THSD7B: variants seen among roughly 807,000 people sequenced by gnomAD.
THSD7B encodes thrombospondin type-1 domain-containing protein 7B.
Under a neutral mutation model 213.6 loss-of-function variants are expected in THSD7B, and 138 were observed. That is an observed-to-expected ratio of 0.65 (90% CI 0.56 to 0.74). The LOEUF is 0.74. Among genes scored for constraint, THSD7B ranks in the 30% least tolerant of loss-of-function variants. The probability of loss-of-function intolerance (pLI) is 0.00; values close to 1 mark genes in which losing one functional copy is unlikely to be tolerated. For missense variants in THSD7B, 1,931 were observed against 1,991.5 expected (o/e 0.97, Z 0.58); for synonymous variants, 742 against 687.0 (o/e 1.08, Z -1.25).
chr2:137,616,136 C>T (rs2104838056), intron 17 of THSD7B, 39 bp from the exon 18 acceptor site: 3 of 1,601,184 alleles, frequency 1.9e-6, no homozygotes, highest in Non-Finnish European at 2.6e-6. Flanking sequence ...TATCAAATAA[C>T]TTGCCCACAG....
intron 1 of THSD7B, among the ~76,000 whole-genome samples, chr2:136,843,073 G>A (rs1020034346): frequency 5.5e-5 from 8 of 146,486 alleles, no homozygotes; most frequent in African/African-American, 1.8e-4. Context: ...CTGTTCACTC[G>A]TATCGAGTGG....
intron 11 of THSD7B, 37 bp downstream of exon 11, chr2:137,272,699 C>T (rs1682774431): frequency 1.9e-6 from 3 of 1,597,746 alleles, no homozygotes; most frequent in Non-Finnish European, 8.5e-7. Context: ...GTTAGACCTA[C>T]TGTAAATTAT....
At chr2:137,327,134 A>G (rs1028553403) in intron 12 of THSD7B, among the ~76,000 whole-genome samples, 1 of 152,156 alleles carries the variant, frequency 6.6e-6, no homozygotes, top group Admixed American at 6.5e-5. Flanking sequence ...TTTTTGCACT[A>G]TATGCATATT....
chr2:137,663,773 A>G (rs2104824015), intron 26 of THSD7B, among the ~76,000 whole-genome samples, 198 bp downstream of exon 26: 1 of 152,362 alleles, frequency 6.6e-6, no homozygotes, highest in African/African-American at 2.4e-5. Context: ...GTTTTCATGA[A>G]TGGTTGAACG....
chr2:137,620,487 T>C lies in THSD7B; in HGVS notation c.3682-122T>C, dbSNP rs1682498024. On this transcript the variant is annotated intron_variant, in intron 19 of 27. Coordinates refer to ENST00000409968, the MANE Select transcript of THSD7B (RefSeq NM_001316349.2). The stretch of plus-strand genomic sequence containing the variant: ...CAATTTATATAAGAAAGGATATACT[T>C]CCCCACTGAAATATGGAAAGGTTAT... 1.2e-5 allele frequency: 8 copies of C among 646,240 alleles called. No individual in the cohort carries two copies. In the East Asian group the frequency reaches 2.2e-4, roughly 18 times the overall value. The allele number at this position is 646,240 out of a possible 1,614,324, so 40.0% of individuals were successfully genotyped here.
intron 15 of THSD7B, among the ~76,000 whole-genome samples, chr2:137,453,155 G>A (rs10196367): frequency 0.032 from 4,854 of 151,706 alleles, 129 homozygotes; most frequent in Non-Finnish European, 0.045. Flanking sequence ...AACCTCACCC[G>A]AATCCATATG....
chr2:137,561,205 A>C (rs570861401), intron 15 of THSD7B, among the ~76,000 whole-genome samples: 129 of 152,314 alleles, frequency 8.5e-4, no homozygotes, highest in Non-Finnish European at 1.4e-3. Context: ...TGGAGCATAA[A>C]GAATATAAGC....
chr2:136,794,064 G>T (rs78878278), intron 1 of THSD7B, among the ~76,000 whole-genome samples: 1 of 150,432 alleles, frequency 6.6e-6, no homozygotes, highest in Non-Finnish European at 1.5e-5. Flanking sequence ...TTTCCGTGTG[G>T]TGATGCCCCT....
intron 15 of THSD7B, among the ~76,000 whole-genome samples, chr2:137,553,939 G>C (rs924861097): frequency 2.0e-5 from 3 of 151,800 alleles, no homozygotes; most frequent in Admixed American, 2.0e-4. Context: ...GACTTTTGTG[G>C]GTGTTTTTGG....
intron 15 of THSD7B, among the ~76,000 whole-genome samples, chr2:137,454,406 C>T (rs1687718543): frequency 8.7e-6 from 1 of 115,002 alleles, no homozygotes; most frequent in Non-Finnish European, 1.8e-5. Flanking sequence ...GTCTGTCTGT[C>T]TGTCTGTCTG....
chr2:137,609,798 G>A lies in THSD7B; in HGVS notation c.3424-6377G>A, dbSNP rs74862319. On this transcript the variant is annotated intron_variant, in intron 17 of 27. Coordinates refer to ENST00000409968, the MANE Select transcript of THSD7B (RefSeq NM_001316349.2). ...CATAATCTGTAGAATGGGAAGATTG[G>A]AGTCACTTATTAGGTTATTGTTATA... 9.9e-4 allele frequency among the ~76,000 whole-genome samples: 151 copies of A among 152,256 alleles called. 3 individuals are homozygous for A. The East Asian group carries it at 0.025, about 25-fold the overall frequency.
At chr2:136,967,335 C>T (rs1046692446) in intron 2 of THSD7B, among the ~76,000 whole-genome samples, 3 of 152,132 alleles carry the variant, frequency 2.0e-5, no homozygotes. Flanking sequence ...TTTATCCTAC[C>T]AATCACCTGA....
At chr2:137,048,186 A>T (rs1184905956) in intron 2 of THSD7B, among the ~76,000 whole-genome samples, 3 of 152,134 alleles carry the variant, frequency 2.0e-5, no homozygotes, top group African/African-American at 7.2e-5. Context: ...CACTGGGAAG[A>T]AAGGAGAAAA....
chr2:137,160,327 T>C lies in THSD7B; in HGVS notation c.1484T>C (p.Leu495Pro). The C allele has an allele frequency of 4.3e-6, 7 of 1,613,404 alleles. No homozygotes were observed. In the Admixed American group the frequency reaches 5.0e-5, roughly 12 times the overall value. The stretch of plus-strand genomic sequence containing the variant: ...GTATCTTCCTGGTCAGCCTGGGGCC[T>C]GTGCATCCATGAAAACTGTCATGAT... Reference protein sequence around the residue: ...CIVSSWSAWGLCIHENCHDPQ... With the variant: ...CIVSSWSAWGPCIHENCHDPQ... The change falls in exon 6 of 28, where the codon CTG becomes CCG. Residue 495 changes from leucine (L) to proline (P), a missense_variant. Coordinates refer to ENST00000409968, the MANE Select transcript of THSD7B (RefSeq NM_001316349.2).
At chr2:137,294,368 A>C (rs2104837180) in intron 12 of THSD7B, among the ~76,000 whole-genome samples, 1 of 152,122 alleles carries the variant, frequency 6.6e-6, no homozygotes, top group East Asian at 1.9e-4. Context: ...GGATCACCTG[A>C]GGTCAAGAGT....
intron 3 of THSD7B, among the ~76,000 whole-genome samples, chr2:137,064,740 T>C (rs370911197): frequency 1.3e-5 from 2 of 152,026 alleles, no homozygotes; most frequent in East Asian, 3.9e-4. Flanking sequence ...CCAGTTTTCC[T>C]AGCACAATTT....
chr2:136,832,355 G>A (rs906116074), intron 1 of THSD7B, among the ~76,000 whole-genome samples: 2 of 152,088 alleles, frequency 1.3e-5, no homozygotes, highest in African/African-American at 4.8e-5. Context: ...AGAACCAGGG[G>A]GGTGGATGGT....
At chr2:137,109,904 C>T (rs1428289234) in intron 4 of THSD7B, among the ~76,000 whole-genome samples, 1 of 152,078 alleles carries the variant, frequency 6.6e-6, no homozygotes, top group Non-Finnish European at 1.5e-5. Flanking sequence ...TATATCCTGT[C>T]TCTACTATTC....
chr2:137,221,359 T>G (rs11899747), intron 7 of THSD7B, among the ~76,000 whole-genome samples: 1 of 151,916 alleles, frequency 6.6e-6, no homozygotes, highest in African/African-American at 2.4e-5. Context: ...GGGGGACCCC[T>G]CAAGGGAAGT....
Sources: gnomAD v4.1 joint callset for allele counts (sites outside exome capture counted in the v4.1 genomes callset) on GRCh38, gnomAD v4.1.1 for gene constraint, MANE v1.5 for transcripts, NCBI Gene and HGNC (gene_info 2026-07-23, HGNC 2026-07-21) for gene names.